NDUFB2: variants seen among roughly 807,000 people sequenced by gnomAD.
NDUFB2 encodes the protein NADH dehydrogenase [ubiquinone] 1 beta subcomplex subunit 2, mitochondrial.
In NDUFB2, 13 loss-of-function variants were observed where a neutral mutation model predicts 13.4. The observed-to-expected ratio is 0.97, with a 90% CI of 0.63 to 1.54. The LOEUF is 1.54. Among genes scored for constraint, NDUFB2 ranks in the 40% most tolerant of loss-of-function variants. The pLI is 0.00. For synonymous variants in NDUFB2, 47 were observed against 50.6 expected (o/e 0.93, Z 0.30); for missense variants, 150 against 139.7 (o/e 1.07, Z -0.37).
intron 1 of NDUFB2, chr7:140,698,112 G>T (rs1794842181): frequency 1.5e-6 from 2 of 1,350,904 alleles, no homozygotes; most frequent in African/African-American, 3.0e-5. Context: ...TGACTTGCCT[G>T]AAGTCCCACA....
chr7:140,696,716 T>C lies in NDUFB2; in HGVS notation c.-29T>C. 6.4e-7 allele frequency: 1 copy of C among 1,558,690 alleles called. No individual in the cohort carries two copies. The highest frequency in any genetic ancestry group is 8.7e-7 in the Non-Finnish European group (1 of 1,152,256). On this transcript the variant is annotated 5_prime_UTR_variant, in exon 1 of 4. Transcript: ENST00000247866. Reference sequence around the variant, plus strand: ...GCGAAGTAGGCAGGGGCGAGGCGGCTGGGGACCGCGGGGCGGACGGGAGCG... The same window carrying C: ...GCGAAGTAGGCAGGGGCGAGGCGGCCGGGGACCGCGGGGCGGACGGGAGCG...
chr7:140,702,390 G>A (rs1189764462), intron 1 of NDUFB2: 1 of 261,976 alleles, frequency 3.8e-6, no homozygotes, highest in African/African-American at 2.2e-5. Flanking sequence ...TTTGTTCAGA[G>A]CCATTAGCAT....
intron 1 of NDUFB2, chr7:140,697,386 C>T (rs1262481523): frequency 4.3e-6 from 3 of 702,716 alleles, no homozygotes; most frequent in Admixed American, 2.0e-5. Flanking sequence ...GAGAGAGCGC[C>T]GTCGGGTGAG....
At chr7:140,698,185 T>G in intron 1 of NDUFB2, 1 of 1,352,060 alleles carries the variant, frequency 7.4e-7, no homozygotes, top group Non-Finnish European at 9.8e-7. Flanking sequence ...CCTGTGTGAC[T>G]TGGGCAAAGA....
chr7:140,698,360 T>C (rs1794847650), intron 1 of NDUFB2: 1 of 1,307,064 alleles, frequency 7.7e-7, no homozygotes, highest in Non-Finnish European at 1.0e-6. Flanking sequence ...TGGCTGCTCC[T>C]TTCTAGGTGC....
intron 1 of NDUFB2, among the ~76,000 whole-genome samples, chr7:140,699,556 C>A (rs1165109183): frequency 6.6e-6 from 1 of 152,134 alleles, no homozygotes. Flanking sequence ...TTCTTGTTCA[C>A]CCTTTTACCA....
chr7:140,704,492 T>A (rs1458679408), intron 2 of NDUFB2, among the ~76,000 whole-genome samples: 1 of 152,190 alleles, frequency 6.6e-6, no homozygotes, highest in African/African-American at 2.4e-5. Flanking sequence ...CTGAGGCTTC[T>A]CCATTTCACA....
Position 140,706,025 on chromosome 7 carries a change from T to G in NDUFB2, c.*30-538T>G, listed in dbSNP as rs1265512795. 5.2e-3 allele frequency: 765 copies of G among 148,272 alleles called. 7 individuals are homozygous for G. Among genetic ancestry groups the G allele is most frequent in the African/African-American group, 0.019 (730 of 38,584 alleles). The allele number at this position is 148,272 out of a possible 1,614,324, so 9.2% of individuals were successfully genotyped here. A position where few individuals can be genotyped will look rare whatever the true frequency, so the allele number is the denominator to read the frequency against. On this transcript the variant is annotated intron_variant, in intron 3 of 3. Transcript: ENST00000247866. ...TATATTTTATTTTATTTTATTTTAT[T>G]TTAGTTTGTTATGTTATGTTATGTT... is the stretch of plus-strand genomic sequence containing the variant.
At chr7:140,706,060 T>TATGTGTTATGTTATGTTATG (rs1402496959) in intron 3 of NDUFB2, 41 of 125,118 alleles carry the variant, frequency 3.3e-4, no homozygotes, top group African/African-American at 1.3e-3. Flanking sequence ...TATGTTATGT[T>TATGTGTTATGTTATGTTATG]TTATGTTATG....
chr7:140,697,278 G>A (rs769459509), intron 1 of NDUFB2: 3 of 702,278 alleles, frequency 4.3e-6, no homozygotes, highest in African/African-American at 3.5e-5. Context: ...GGAATTTAGG[G>A]TAGAGTCTGT....
intron 1 of NDUFB2, among the ~76,000 whole-genome samples, chr7:140,701,292 C>A (rs1794893434): frequency 6.6e-6 from 1 of 152,258 alleles, no homozygotes; most frequent in African/African-American, 2.4e-5. Flanking sequence ...TAATTACAGG[C>A]CTTATCATAA....
intron 1 of NDUFB2, chr7:140,697,051 G>C: frequency 1.7e-6 from 1 of 601,514 alleles, no homozygotes; most frequent in Non-Finnish European, 3.0e-6. Context: ...GGGCAGATGG[G>C]ACACCGTGTG....
chr7:140,697,208 G>A (rs1177742895), intron 1 of NDUFB2: 1 of 647,730 alleles, frequency 1.5e-6, no homozygotes, highest in African/African-American at 1.8e-5. Flanking sequence ...GGAGCGAGGC[G>A]GGGGGCGGCG....
Position 140,696,735 on chromosome 7 carries a change from G to A in NDUFB2, c.-10G>A, listed in dbSNP as rs775799734. On this transcript the variant is annotated 5_prime_UTR_variant, in exon 1 of 4. Transcript: ENST00000247866. ...GGCGGCTGGGGACCGCGGGGCGGACGGGAGCGAGTATGTCCGCTCTGACTC... is the reference window on the plus strand; with the variant it reads ...GGCGGCTGGGGACCGCGGGGCGGACAGGAGCGAGTATGTCCGCTCTGACTC... The A allele has an allele frequency of 2.3e-5, 37 of 1,580,292 alleles. No homozygotes were observed. In the Admixed American group the frequency reaches 6.2e-4, roughly 26 times the overall value.
chr7:140,701,323 T>C (rs1380389008), intron 1 of NDUFB2, among the ~76,000 whole-genome samples: 1 of 152,174 alleles, frequency 6.6e-6, no homozygotes, highest in Non-Finnish European at 1.5e-5. Context: ...ATTAAATGAA[T>C]TAAAACTTAT....
intron 1 of NDUFB2, chr7:140,701,741 T>C: frequency 4.3e-6 from 1 of 233,974 alleles, no homozygotes; most frequent in South Asian, 1.1e-4. Flanking sequence ...GAGACCAGTC[T>C]GGCCAACACG....
Position 140,696,743 on chromosome 7 carries a change from G to C in NDUFB2, c.-2G>C. ...GGGACCGCGGGGCGGACGGGAGCGA[G>C]TATGTCCGCTCTGACTCGGCTGGCG... On this transcript the variant is annotated 5_prime_UTR_variant, in exon 1 of 4. Coordinates refer to ENST00000247866, the MANE Select transcript of NDUFB2 (RefSeq NM_004546.3). The C allele has an allele frequency of 1.3e-6, 2 of 1,588,612 alleles. No homozygotes were observed. The highest frequency in any genetic ancestry group is 1.7e-6 in the Non-Finnish European group (2 of 1,168,546).
intron 1 of NDUFB2, among the ~76,000 whole-genome samples, chr7:140,702,274 GAATA>G (rs921760724): frequency 2.6e-5 from 4 of 152,136 alleles, no homozygotes; most frequent in Middle Eastern, 3.2e-3. Flanking sequence ...TACTCCAACT[GAATA>G]AATTGACTAT....
chr7:140,698,109 C>T, intron 1 of NDUFB2: 1 of 1,350,500 alleles, frequency 7.4e-7, no homozygotes, highest in Non-Finnish European at 9.8e-7. Flanking sequence ...GAGTGACTTG[C>T]CTGAAGTCCC....
Sources: allele counts gnomAD v4.1 joint callset (sites outside exome capture counted in the v4.1 genomes callset), GRCh38; gene constraint gnomAD v4.1.1; transcripts MANE v1.5; gene names NCBI Gene and HGNC (gene_info 2026-07-23, HGNC 2026-07-21).